Variants in PID1 observed in about 807,000 individuals in gnomAD.
PID1 encodes the protein phosphotyrosine interaction domain containing 1.
PID1 carries 10 observed loss-of-function variants against 19.1 expected under a neutral mutation model. The ratio of observed to expected loss-of-function variants is 0.52; its 90% confidence interval spans 0.32 to 0.89. The LOEUF (loss-of-function observed/expected upper bound fraction) is 0.89, where lower values mean the gene tolerates loss of function less well. Among genes scored for constraint, PID1 ranks in the 40% least tolerant of loss-of-function variants. The pLI, the probability that PID1 is intolerant of heterozygous loss-of-function variation, is 0.03. For synonymous variants in PID1, 130 were observed against 116.0 expected (o/e 1.12, Z -0.78); for missense variants, 248 against 285.3 (o/e 0.87, Z 0.94).
chr2:229,184,982 A>AAT (rs1691090162), intron 1 of PID1, among the ~76,000 whole-genome samples: 3 of 25,488 alleles, frequency 1.2e-4, no homozygotes, highest in African/African-American at 8.0e-4. Context: ...CTATATATAT[A>AAT]CTATATATAT....
At chr2:229,270,927 C>T in intron 1 of PID1, 87 bp downstream of exon 1, 1 of 1,285,524 alleles carries the variant, frequency 7.8e-7, no homozygotes, top group South Asian at 1.4e-5. Context: ...GGGCAAATCC[C>T]CTAAAGTAGG....
chr2:229,104,196 A>C (rs992577495), intron 2 of PID1, among the ~76,000 whole-genome samples: 4 of 152,222 alleles, frequency 2.6e-5, no homozygotes, highest in African/African-American at 7.2e-5. Flanking sequence ...TCATTGGCTT[A>C]TCTGGTTCAG....
chr2:229,045,734 A>C (rs1693861848), intron 2 of PID1, among the ~76,000 whole-genome samples: 1 of 152,204 alleles, frequency 6.6e-6, no homozygotes, highest in Non-Finnish European at 1.5e-5. Flanking sequence ...ATTTCAGGAG[A>C]CTTCAATCAA....
At chr2:229,062,881 T>A (rs1694240581) in intron 2 of PID1, among the ~76,000 whole-genome samples, 1 of 152,078 alleles carries the variant, frequency 6.6e-6, no homozygotes, top group Non-Finnish European at 1.5e-5. Context: ...ATGTATTCAT[T>A]TCTTCTAGGT....
intron 2 of PID1, among the ~76,000 whole-genome samples, chr2:229,091,170 G>A (rs966550447): frequency 1.3e-5 from 2 of 151,680 alleles, no homozygotes; most frequent in African/African-American, 4.8e-5. Context: ...ATGCAAATAG[G>A]GTTAGAATAT....
chr2:229,082,407 A>AT (rs1178979958), intron 2 of PID1, among the ~76,000 whole-genome samples: 1 of 152,248 alleles, frequency 6.6e-6, no homozygotes, highest in African/African-American at 2.4e-5. Flanking sequence ...TGATTATGTT[A>AT]TATCACACAG....
intron 1 of PID1, among the ~76,000 whole-genome samples, chr2:229,225,611 G>T (rs1189341557): frequency 2.0e-5 from 3 of 152,128 alleles, no homozygotes; most frequent in African/African-American, 7.2e-5. Context: ...AGGATGAGTG[G>T]ATTAGTCCCT....
intron 1 of PID1, among the ~76,000 whole-genome samples, chr2:229,260,052 T>G (rs1337769299): frequency 6.6e-6 from 1 of 152,290 alleles, no homozygotes; most frequent in East Asian, 1.9e-4. Context: ...CCAAGCAGAC[T>G]AAGACACTAG....
At chr2:229,213,025 T>C (rs1237742765) in intron 1 of PID1, among the ~76,000 whole-genome samples, 1 of 152,024 alleles carries the variant, frequency 6.6e-6, no homozygotes, top group African/African-American at 2.4e-5. Context: ...AAAAATATAC[T>C]CTGTGATTCA....
intron 1 of PID1, chr2:229,228,007 G>A (rs1362242): frequency 0.19 from 85,795 of 455,454 alleles, 9,173 homozygotes; most frequent in Non-Finnish European, 0.22. Flanking sequence ...GTCCTGAATC[G>A]ATTCCCCAGG....
At chr2:229,238,975 T>G (rs1337773409) in intron 1 of PID1, among the ~76,000 whole-genome samples, 1 of 152,094 alleles carries the variant, frequency 6.6e-6, no homozygotes, top group African/African-American at 2.4e-5. Flanking sequence ...AATACATCAC[T>G]TAATTTGAAA....
intron 1 of PID1, among the ~76,000 whole-genome samples, chr2:229,255,927 T>G: frequency 6.6e-6 from 1 of 152,196 alleles, no homozygotes; most frequent in East Asian, 1.9e-4. Context: ...TTGGCCTCCA[T>G]GCACCTGCAG....
At chr2:229,203,425 G>A (rs1559283349) in intron 1 of PID1, among the ~76,000 whole-genome samples, 2 of 152,088 alleles carry the variant, frequency 1.3e-5, no homozygotes, top group Non-Finnish European at 2.9e-5. Context: ...AAGCAGCATT[G>A]TTTTCTTTAA....
intron 2 of PID1, among the ~76,000 whole-genome samples, chr2:229,152,759 G>A (rs1690284208): frequency 6.6e-6 from 1 of 152,040 alleles, no homozygotes; most frequent in Non-Finnish European, 1.5e-5. Flanking sequence ...GACCCACGGA[G>A]AATACAGATC....
intron 1 of PID1, among the ~76,000 whole-genome samples, chr2:229,184,940 A>G (rs1423211872): frequency 7.8e-6 from 1 of 128,686 alleles, no homozygotes; most frequent in Non-Finnish European, 1.7e-5. Flanking sequence ...TCCCATATAT[A>G]TATCCTATAT....
intron 1 of PID1, among the ~76,000 whole-genome samples, chr2:229,261,462 A>G (rs1559307330): frequency 6.6e-6 from 1 of 152,232 alleles, no homozygotes; most frequent in Non-Finnish European, 1.5e-5. Flanking sequence ...GGTGGCTTGT[A>G]CAGCAGGATT....
chr2:229,173,791 A>G (rs1690757913), intron 1 of PID1, among the ~76,000 whole-genome samples: 1 of 152,202 alleles, frequency 6.6e-6, no homozygotes, highest in Non-Finnish European at 1.5e-5. Context: ...CCAAGGGAGA[A>G]AAGTGCAGTG....
chr2:229,221,949 T>C (rs1691979648), intron 1 of PID1, among the ~76,000 whole-genome samples: 1 of 152,136 alleles, frequency 6.6e-6, no homozygotes, highest in Non-Finnish European at 1.5e-5. Context: ...GCAACTCCAC[T>C]CCTCTCCATC....
At chr2:229,147,611 A>G (rs1256115114) in intron 2 of PID1, among the ~76,000 whole-genome samples, 2 of 152,228 alleles carry the variant, frequency 1.3e-5, no homozygotes, top group South Asian at 2.1e-4. Context: ...CCATATCAAT[A>G]TAATTTCTAC....
Sources: allele counts gnomAD v4.1 joint callset (sites outside exome capture counted in the v4.1 genomes callset), GRCh38; gene constraint gnomAD v4.1.1; transcripts MANE v1.5; gene names NCBI Gene and HGNC (gene_info 2026-07-23, HGNC 2026-07-21).